SYNE2: variants seen among roughly 807,000 people sequenced by gnomAD.
SYNE2 encodes nesprin-2.
SYNE2 carries 431 observed loss-of-function variants against 856.3 expected under a neutral mutation model. The observed-to-expected ratio is 0.50, with a 90% CI of 0.47 to 0.55. The LOEUF (loss-of-function observed/expected upper bound fraction) is 0.55. Among genes scored for constraint, SYNE2 ranks in the 20% least tolerant of loss-of-function variants. SYNE2 has a pLI of 0.00. For missense variants in SYNE2, 8,129 were observed against 8,023.2 expected, an observed-to-expected ratio of 1.01 and a Z score of -0.50; for synonymous variants, 2,923 against 2,872.3, an observed-to-expected ratio of 1.02 and a Z score of -0.56.
chr14:64,138,549 A>G (rs2098114369), intron 79 of SYNE2, among the ~76,000 whole-genome samples: 1 of 152,154 alleles, frequency 6.6e-6, no homozygotes, highest in Admixed American at 6.5e-5. Context: ...ACACATTTCT[A>G]TAGAAGCTAG....
intron 90 of SYNE2, among the ~76,000 whole-genome samples, chr14:64,165,945 T>C (rs763562424): frequency 2.6e-5 from 4 of 152,244 alleles, no homozygotes; most frequent in Non-Finnish European, 5.9e-5. Flanking sequence ...TAGATGTTTT[T>C]TCATAATTAC....
chr14:63,954,925 CTTCT>C lies in SYNE2; in HGVS notation c.787+13_787+16del. The C allele has an allele frequency of 6.2e-7, 1 of 1,606,732 alleles. No individual in the cohort carries two copies. The highest frequency in any genetic ancestry group is 8.5e-7 in the Non-Finnish European group (1 of 1,175,902). On this transcript the variant is annotated intron_variant, in intron 8 of 115. Transcript: ENST00000555002. ...TTGCTGGAACCAGAAGGTAAAGAAGCTTCTTTGTTTTTAAAACAATCTTTAAGGC... is the reference window on the plus strand; with the variant it reads ...TTGCTGGAACCAGAAGGTAAAGAAGCTTGTTTTTAAAACAATCTTTAAGGC...
chr14:64,061,063 T>A (rs2097313009), intron 49 of SYNE2, among the ~76,000 whole-genome samples: 1 of 152,218 alleles, frequency 6.6e-6, no homozygotes, highest in African/African-American at 2.4e-5. Flanking sequence ...CATGCCTCTT[T>A]CAGAGATATG....
At chr14:64,016,871 G>C (rs1347776747) in intron 33 of SYNE2, among the ~76,000 whole-genome samples, 1 of 152,080 alleles carries the variant, frequency 6.6e-6, no homozygotes, top group African/African-American at 2.4e-5. Flanking sequence ...TATATTGCCT[G>C]TTCATGCAGT....
intron 22 of SYNE2, 89 bp downstream of exon 22, chr14:63,994,058 G>A: frequency 7.3e-7 from 1 of 1,374,610 alleles, no homozygotes; most frequent in Non-Finnish European, 1.0e-6. Flanking sequence ...GGGTTTTCCT[G>A]TCTACGTTGT....
At chr14:63,875,900 G>C (rs981388342) in intron 1 of SYNE2, among the ~76,000 whole-genome samples, 1 of 152,232 alleles carries the variant, frequency 6.6e-6, no homozygotes, top group African/African-American at 2.4e-5. Context: ...TTCCCAGACC[G>C]GTGACTTGAT....
Position 63,800,853 on chromosome 14 carries a change from T to C in SYNE2, c.-305+38867T>C, listed in dbSNP as rs147612232. Among the ~76,000 whole-genome samples, 567 of 152,188 alleles carry C rather than the reference T, an allele frequency of 3.7e-3. 2 individuals are homozygous for C. The highest frequency in any genetic ancestry group is 7.0e-3 in the Non-Finnish European group (473 of 68,004). On this transcript the variant is annotated intron_variant, in intron 1 of 23. Coordinates refer to the SYNE2 transcript ENST00000674003. The stretch of plus-strand genomic sequence containing the variant: ...GGGAGAGGAGCAGAAAAGATAAGCA[T>C]TGGGTACTGGGCTTAATACCCGAGT...
At chr14:64,055,824 T>TGTA in intron 48 of SYNE2, 120 bp from the exon 49 acceptor site, 1 of 536,398 alleles carries the variant, frequency 1.9e-6, no homozygotes, top group South Asian at 2.3e-5. Context: ...AAACTTAAAG[T>TGTA]ATAATAATAA....
At chr14:64,219,930 A>G (rs1466704376) in intron 110 of SYNE2, among the ~76,000 whole-genome samples, 1 of 152,176 alleles carries the variant, frequency 6.6e-6, no homozygotes, top group African/African-American at 2.4e-5. Flanking sequence ...GGGAGCTGCA[A>G]AGGGACAGTT....
At chr14:63,867,931 T>A (rs894466806) in intron 1 of SYNE2, among the ~76,000 whole-genome samples, 1 of 152,026 alleles carries the variant, frequency 6.6e-6, no homozygotes, top group Non-Finnish European at 1.5e-5. Flanking sequence ...CGTGGTGGCA[T>A]GAACCTGTGT....
In SYNE2 at chr14:63,927,448, G is replaced by A. The variant is rs147253435; in HGVS notation, c.80-13166G>A. 2.0e-4 allele frequency among the ~76,000 whole-genome samples: 31 copies of A among 152,296 alleles called. No homozygotes were observed. The East Asian group carries it at 2.1e-3, about 10-fold the overall frequency. On this transcript the variant is annotated intron_variant, in intron 2 of 115. Transcript: ENST00000555002. ...TGCGCTCCCGTAATTCCCACGTGTTGTGGGAGGGACCCAGTGGGAGATAAT... is the reference window on the plus strand; with the variant it reads ...TGCGCTCCCGTAATTCCCACGTGTTATGGGAGGGACCCAGTGGGAGATAAT...
chr14:63,986,341 C>T lies in SYNE2; in HGVS notation c.2152-115C>T, dbSNP rs1229485107. ...TCACAAACTCCTAGCCTCAAGCAATCCTCCTGCCCTGGCCTCCTAAAGAGC... is the reference window on the plus strand; with the variant it reads ...TCACAAACTCCTAGCCTCAAGCAATTCTCCTGCCCTGGCCTCCTAAAGAGC... On this transcript the variant is annotated intron_variant, in intron 18 of 115. Coordinates refer to ENST00000555002, the MANE Select transcript of SYNE2 (RefSeq NM_182914.3). The T allele has an allele frequency of 4.6e-6, 5 of 1,094,116 alleles. No individual in the cohort carries two copies. The African/African-American group carries it at 6.3e-5, about 14-fold the overall frequency. 67.8% of individuals were successfully genotyped at this position (1,094,116 alleles called of 1,614,324 possible).
chr14:63,846,841 C>T (rs1890241590), intron 1 of SYNE2, among the ~76,000 whole-genome samples: 1 of 152,078 alleles, frequency 6.6e-6, no homozygotes, highest in Non-Finnish European at 1.5e-5. Context: ...AACTTATCTG[C>T]CTGCCTCTGC....
intron 8 of SYNE2, among the ~76,000 whole-genome samples, chr14:63,958,459 T>C (rs2096268471): frequency 6.6e-6 from 1 of 152,208 alleles, no homozygotes; most frequent in South Asian, 2.1e-4. Flanking sequence ...CTCGTGATTA[T>C]ACTGGGTTTT....
chr14:63,772,296 G>C (rs1886948627), intron 1 of SYNE2, among the ~76,000 whole-genome samples: 2 of 152,182 alleles, frequency 1.3e-5, no homozygotes, highest in Admixed American at 6.5e-5. Context: ...TGAGGCTGCA[G>C]TGAGCTGTGG....
chr14:64,125,235 T>G, intron 71 of SYNE2, 25 bp downstream of exon 71: 1 of 1,613,792 alleles, frequency 6.2e-7, no homozygotes, highest in Non-Finnish European at 8.5e-7. Context: ...CAATGTGTTT[T>G]CCTCATTGTA....
chr14:64,040,818 A>C (rs1334905578), intron 45 of SYNE2, among the ~76,000 whole-genome samples: 1 of 151,736 alleles, frequency 6.6e-6, no homozygotes, highest in Non-Finnish European at 1.5e-5. Context: ...GGCAAAACTT[A>C]GAATTTTCCA....
At position 64,226,346 on chromosome 14, in the gene SYNE2, TG is replaced by T. The variant is rs2098718282; in HGVS notation, c.*825del. On this transcript the variant is annotated 3_prime_UTR_variant, in exon 116 of 116. Transcript: ENST00000555002. Reference sequence around the variant, plus strand: ...TTTAACTGTTTGGCCACGGCGGGGGTGGGGGCGGGGGGTTGGTACAGAAACT... The same window carrying T: ...TTTAACTGTTTGGCCACGGCGGGGGTGGGGCGGGGGGTTGGTACAGAAACT... The T allele has an allele frequency of 7.3e-5, 2 of 27,238 alleles. No homozygotes were observed. The highest frequency in any genetic ancestry group is 2.5e-4 in the African/African-American group (2 of 7,866). The allele number at this position is 27,238 out of a possible 1,614,324, so 1.7% of individuals were successfully genotyped here. A position where few individuals can be genotyped will look rare whatever the true frequency, so the allele number is the denominator to read the frequency against.
intron 1 of SYNE2, among the ~76,000 whole-genome samples, chr14:63,839,741 T>C (rs1435337582): frequency 6.6e-6 from 1 of 152,126 alleles, no homozygotes; most frequent in Non-Finnish European, 1.5e-5. Flanking sequence ...TTTTAAAAAA[T>C]AGATATTTTC....
Sources: gnomAD v4.1 joint callset for allele counts (sites outside exome capture counted in the v4.1 genomes callset) on GRCh38, gnomAD v4.1.1 for gene constraint, MANE v1.5 for transcripts, NCBI Gene and HGNC (gene_info 2026-07-23, HGNC 2026-07-21) for gene names.